Variants in NIPAL3 observed in about 807,000 individuals in gnomAD.
The protein encoded by NIPAL3 is NIPA like domain containing 3.
Under a neutral mutation model 47.2 loss-of-function variants are expected in NIPAL3, and 41 were observed. The observed-to-expected ratio is 0.87, with a 90% confidence interval of 0.68 to 1.13. The LOEUF (loss-of-function observed/expected upper bound fraction) is 1.13, where lower values mean the gene tolerates loss of function less well. Ranked by LOEUF, NIPAL3 falls within the 50% of genes most tolerant of loss-of-function variation. The pLI, the probability that NIPAL3 is intolerant of heterozygous loss-of-function variation, is 0.00. For synonymous variants in NIPAL3, 194 were observed against 209.6 expected, an observed-to-expected ratio of 0.93 and a Z score of 0.64; for missense variants, 449 against 530.1, an observed-to-expected ratio of 0.85 and a Z score of 1.50.
In NIPAL3 at chr1:24,442,037, T is replaced by C; in HGVS notation, c.163-18T>C. ...CCCCAAACATCTGAGCAAATTGCAT[T>C]ATTTCTCGGGTTTCTAGAAGTACTG... is the stretch of plus-strand genomic sequence containing the variant. On this transcript the variant is annotated intron_variant, in intron 3 of 11. Transcript: ENST00000374399. 1 of 1,609,908 alleles carries C rather than the reference T, an allele frequency of 6.2e-7. No individual in the cohort carries two copies. The highest frequency in any genetic ancestry group is 8.5e-7 in the Non-Finnish European group (1 of 1,177,154).
Position 24,454,262 on chromosome 1 carries a change from A to G in NIPAL3, c.637+758A>G, listed in dbSNP as rs1254800193. On this transcript the variant is annotated intron_variant, in intron 7 of 11. Transcript: ENST00000374399. This position sits in a 1 kb window ranked among gnomAD's most constrained non-coding sequence, Gnocchi z 4.1. ...ATCCTTCCTGAGGAGAAGCAGACAG[A>G]GGCGGAGGAGCAGGCTGGTGTCAGG... 5.1e-6 allele frequency: 6 copies of G among 1,165,548 alleles called. No homozygotes were observed. The highest frequency in any genetic ancestry group is 6.7e-5 in the East Asian group (1 of 14,858). 72.2% of individuals were successfully genotyped at this position (1,165,548 alleles called of 1,614,324 possible). A position where few individuals can be genotyped will look rare whatever the true frequency, so the allele number is the denominator to read the frequency against.
intron 10 of NIPAL3, among the ~76,000 whole-genome samples, chr1:24,461,574 A>C (rs576210909): frequency 6.6e-6 from 1 of 151,416 alleles, no homozygotes; most frequent in Non-Finnish European, 1.5e-5. Flanking sequence ...AACTTTTAAA[A>C]ATTTGGCCTT....
At chr1:24,440,692 A>C (rs1368207239) in intron 3 of NIPAL3, among the ~76,000 whole-genome samples, 4 of 152,200 alleles carry the variant, frequency 2.6e-5, no homozygotes, top group Non-Finnish European at 5.9e-5. Context: ...GGTGTGTAGC[A>C]AGTTGATAGC....
chr1:24,463,937 AC>A (rs1186814126), intron 10 of NIPAL3, 88 bp from the exon 11 acceptor site: 1 of 1,129,412 alleles, frequency 8.9e-7, no homozygotes, highest in Non-Finnish European at 1.3e-6. Context: ...AAGCCTTTTT[AC>A]CTCTTTCCAT....
rs924393181 is a variant in NIPAL3 at position 24,451,045 on chromosome 1, C to T, written c.540+1419C>T. ...TTCCTAAGTGCTGTGTGGCCTTAGC[C>T]AAGTCGCTTTCCTTCTCTGTTTCCC... On this transcript the variant is annotated intron_variant, in intron 6 of 11. Transcript: ENST00000374399. The surrounding 1 kb of genome is among the most constrained non-coding windows in gnomAD (Gnocchi z 4.5). Among the ~76,000 whole-genome samples the T allele has an allele frequency of 1.4e-4, 22 of 152,222 alleles. No individual in the cohort carries two copies. Among genetic ancestry groups the T allele is most frequent in the Non-Finnish European group, 1.5e-5 (1 of 68,034 alleles).
intron 4 of NIPAL3, among the ~76,000 whole-genome samples, chr1:24,444,917 T>C (rs931564611): frequency 2.6e-5 from 4 of 152,160 alleles, no homozygotes; most frequent in Non-Finnish European, 5.9e-5. Context: ...AGGGTGAACA[T>C]GCCAGAAATA....
chr1:24,419,302 A>T lies in NIPAL3; in HGVS notation c.-246A>T. On this transcript the variant is annotated 5_prime_UTR_variant, in exon 2 of 12. Transcript: ENST00000374399. ...CTCCACCACCCTAGAGCACCGCAAG[A>T]ACTGGAAAACACACCCCTCTCTGTC... 1 of 1,220,032 alleles carries T rather than the reference A, an allele frequency of 8.2e-7. No homozygotes were observed. Among genetic ancestry groups the T allele is most frequent in the Non-Finnish European group, 1.0e-6 (1 of 979,100 alleles). The allele number at this position is 1,220,032 out of a possible 1,614,324, so 75.6% of individuals were successfully genotyped here.
chr1:24,428,896 G>A (rs1644753877), intron 2 of NIPAL3, among the ~76,000 whole-genome samples: 1 of 152,014 alleles, frequency 6.6e-6, no homozygotes, highest in African/African-American at 2.4e-5. Flanking sequence ...TTGTCTCTGT[G>A]GCCACAGTGG....
chr1:24,433,903 G>A (rs1644987490), intron 2 of NIPAL3, among the ~76,000 whole-genome samples: 1 of 152,048 alleles, frequency 6.6e-6, no homozygotes, highest in Non-Finnish European at 1.5e-5. Flanking sequence ...TATAAATTAA[G>A]GTGTTAATTA....
At chr1:24,421,691 C>A (rs777169843) in intron 2 of NIPAL3, 3 of 152,262 alleles carry the variant, frequency 2.0e-5, no homozygotes, top group Non-Finnish European at 4.4e-5. Flanking sequence ...GGAATAGTAA[C>A]TGCCTCCTGG....
In NIPAL3 at chr1:24,416,097, C is replaced by T; in HGVS notation, c.-258+193C>T. The T allele has an allele frequency of 1.0e-6, 1 of 985,498 alleles. No individual in the cohort carries two copies. Among genetic ancestry groups the T allele is most frequent in the East Asian group, 1.1e-4 (1 of 8,808 alleles). The allele number at this position is 985,498 out of a possible 1,614,324, so 61.0% of individuals were successfully genotyped here. A position where few individuals can be genotyped will look rare whatever the true frequency, so the allele number is the denominator to read the frequency against. On this transcript the variant is annotated intron_variant, in intron 1 of 11. Coordinates refer to ENST00000374399, the MANE Select transcript of NIPAL3 (RefSeq NM_020448.5). The surrounding 1 kb of genome is among the most constrained non-coding windows in gnomAD (Gnocchi z 4.8). Reference sequence around the variant, plus strand: ...GCATCGAGGCCAAGAGGAGCGGGGGCATGGGCTACCTTACTAAAGGTGATG... The same window carrying T: ...GCATCGAGGCCAAGAGGAGCGGGGGTATGGGCTACCTTACTAAAGGTGATG...
rs185788768 is a variant in NIPAL3 at position 24,437,944 on chromosome 1, C to G, written c.94-2228C>G. Among the ~76,000 whole-genome samples, 17 of 152,290 alleles carry G rather than the reference C, an allele frequency of 1.1e-4. No homozygotes were observed. In the East Asian group the frequency reaches 2.9e-3, roughly 26 times the overall value. On this transcript the variant is annotated intron_variant, in intron 2 of 11. Transcript: ENST00000374399. Reference sequence around the variant, plus strand: ...GAGTCATAGATGTTTACTCCAGATGCTGATGGCTGGATTCCAGGTTAAGAG... The same window carrying G: ...GAGTCATAGATGTTTACTCCAGATGGTGATGGCTGGATTCCAGGTTAAGAG...
intron 2 of NIPAL3, among the ~76,000 whole-genome samples, chr1:24,438,344 A>T (rs977636257): frequency 1.3e-5 from 2 of 151,694 alleles, no homozygotes; most frequent in Non-Finnish European, 2.9e-5. Context: ...CTGGGACTAG[A>T]CTGGGGTCCC....
chr1:24,427,045 C>T (rs1644624061), intron 2 of NIPAL3, among the ~76,000 whole-genome samples: 5 of 152,262 alleles, frequency 3.3e-5, no homozygotes, highest in African/African-American at 1.2e-4. Context: ...CTAAAATAAC[C>T]CCAGTGAAGA....
intron 8 of NIPAL3, among the ~76,000 whole-genome samples, chr1:24,458,466 G>A (rs1557530390): frequency 1.3e-5 from 2 of 151,938 alleles, no homozygotes; most frequent in Admixed American, 6.5e-5. Context: ...AAGAAATTTT[G>A]TTTAAAAGAA....
At position 24,469,054 on chromosome 1, in the gene NIPAL3, G is replaced by A; in HGVS notation, c.1090G>A (p.Ala364Thr). 1 of 1,614,080 alleles carries A rather than the reference G, an allele frequency of 6.2e-7. No homozygotes were observed. Among genetic ancestry groups the A allele is most frequent in the Non-Finnish European group, 8.5e-7 (1 of 1,180,016 alleles). The change falls in exon 12 of 12, where the codon GCT becomes ACT. Residue 364 changes from alanine (A) to threonine (T), a missense_variant. By Grantham distance (58) the Ala-to-Thr change is moderately conservative (BLOSUM62 0). Transcript: ENST00000374399. The stretch of plus-strand genomic sequence containing the variant: ...ACTTAAAGCTTCTTTTTCCTATGGG[G>A]CTCTGGAAAACAATGACAACATTTC... ...PELKASFSYG[A>T]LENNDNISEI... is the part of the protein sequence containing the mutation.
intron 10 of NIPAL3, among the ~76,000 whole-genome samples, chr1:24,461,869 A>C (rs1295748097): frequency 6.6e-6 from 1 of 152,068 alleles, no homozygotes; most frequent in Non-Finnish European, 1.5e-5. Context: ...CTGTCTCAAA[A>C]AAAAAAAAAA....
At chr1:24,415,764 C>T (rs1270005601), upstream of NIPAL3, 5 of 893,378 alleles carry the variant, frequency 5.6e-6, no homozygotes, top group South Asian at 1.0e-4. Flanking sequence ...CAAATCGCGA[C>T]CTTTGAAAGC....
chr1:24,460,482 T>C lies in NIPAL3; in HGVS notation c.864T>C (p.Gly288=), dbSNP rs1416941806. 3.4e-5 allele frequency: 54 copies of C among 1,588,080 alleles called. No individual in the cohort carries two copies. The highest frequency in any genetic ancestry group is 4.6e-5 in the Non-Finnish European group (54 of 1,169,834). The change falls in exon 10 of 12, where the codon GGT becomes GGC. Residue 288 remains glycine, a splice_region_variant and synonymous_variant. Transcript: ENST00000374399. ...ATTTTCTATGATTTGCTGCTGCAGG[T>C]GCAATATTTTACCTGGACTTCATCG... ...ILSTTIAITA[G]AIFYLDFIGE...
Sources: gnomAD v4.1 joint callset for allele counts (sites outside exome capture counted in the v4.1 genomes callset) on GRCh38, gnomAD v4.1.1 for gene constraint, Gnocchi (gnomAD v3.1) non-coding constraint, MANE v1.5 for transcripts, NCBI Gene and HGNC (gene_info 2026-07-23, HGNC 2026-07-21) for gene names.